The following GAD1 variants were observed in gnomAD, a reference collection of about 807,000 sequenced individuals.
The protein encoded by GAD1 is 67 kDa glutamic acid decarboxylase.
GAD1 carries 35 observed loss-of-function variants against 75.2 expected under a neutral mutation model. The observed-to-expected ratio is 0.47, with a 90% confidence interval of 0.36 to 0.62. GAD1 has a LOEUF of 0.62. Ranked by LOEUF, GAD1 falls within the 20% of genes least tolerant of loss-of-function variation. GAD1 has a pLI of 0.00. For synonymous variants in GAD1, 257 were observed against 271.9 expected (o/e 0.95, Z 0.54); for missense variants, 490 against 758.5 (o/e 0.65, Z 4.16).
chr2:170,829,267 G>C, intron 3 of GAD1: 1 of 602,442 alleles, frequency 1.7e-6, no homozygotes, highest in Non-Finnish European at 2.9e-6. Flanking sequence ...TTGCATGACT[G>C]GGCCTCTGCC....
chr2:170,849,406 C>A, intron 12 of GAD1, 56 bp downstream of exon 12: 1 of 1,510,660 alleles, frequency 6.6e-7, no homozygotes, highest in Non-Finnish European at 9.2e-7. Context: ...ACAGACCATG[C>A]TCTGATGTCA....
chr2:170,848,725 G>A, intron 11 of GAD1: 1 of 518,604 alleles, frequency 1.9e-6, no homozygotes, highest in Non-Finnish European at 3.8e-6. Context: ...CATCTGCCTT[G>A]CTACTGAACT....
chr2:170,817,630 A>G (rs930312621), intron 1 of GAD1: 5 of 152,360 alleles, frequency 3.3e-5, no homozygotes, highest in Non-Finnish European at 7.3e-5. Flanking sequence ...AGAGTCGAGC[A>G]GGGGCGCCGC....
intron 16 of GAD1, among the ~76,000 whole-genome samples, chr2:170,859,296 T>C (rs1702913951): frequency 6.6e-6 from 1 of 152,230 alleles, no homozygotes; most frequent in South Asian, 2.1e-4. Flanking sequence ...TTATATCTTA[T>C]CCAGGGTTCT....
Position 170,818,758 on chromosome 2 carries a change from G to C in GAD1, c.82+85G>C. 7.8e-7 allele frequency: 1 copy of C among 1,284,366 alleles called. No homozygotes were observed. Among genetic ancestry groups the C allele is most frequent in the Non-Finnish European group, 1.1e-6 (1 of 879,778 alleles). The allele number at this position is 1,284,366 out of a possible 1,614,324, so 79.6% of individuals were successfully genotyped here. A position where few individuals can be genotyped will look rare whatever the true frequency, so the allele number is the denominator to read the frequency against. ...GTCGGGAGGCTGAGCTGGCGGAAAG[G>C]GAAGGGGGAGCGCGGAGATAATGGA... On this transcript the variant is annotated intron_variant, in intron 2 of 16. Transcript: ENST00000358196. The surrounding 1 kb of genome is among the most constrained non-coding windows in gnomAD (Gnocchi z 5.9).
intron 10 of GAD1, among the ~76,000 whole-genome samples, chr2:170,846,291 A>G (rs537611229): frequency 1.3e-5 from 2 of 152,222 alleles, no homozygotes; most frequent in African/African-American, 2.4e-5. Context: ...TATTTGTCCT[A>G]TCTTCATTGT....
intron 6 of GAD1, among the ~76,000 whole-genome samples, chr2:170,837,657 T>C (rs984023118): frequency 1.3e-5 from 2 of 152,256 alleles, no homozygotes; most frequent in Admixed American, 1.3e-4. Flanking sequence ...CCAGTATCTA[T>C]ACATCCAGAC....
intron 4 of GAD1, 38 bp from the exon 5 acceptor site, chr2:170,830,912 A>G (rs1196388475): frequency 1.9e-6 from 3 of 1,613,980 alleles, no homozygotes; most frequent in Non-Finnish European, 2.5e-6. Context: ...TCTAGATATG[A>G]GTCAGGTGAA....
intron 14 of GAD1, 50 bp from the exon 15 acceptor site, chr2:170,856,968 C>T: frequency 1.4e-6 from 2 of 1,430,992 alleles, no homozygotes; most frequent in Non-Finnish European, 2.0e-6. Context: ...TTCCCAAATG[C>T]TCATCACAGG....
intron 5 of GAD1, among the ~76,000 whole-genome samples, chr2:170,832,647 C>T (rs1203196111): frequency 6.9e-6 from 1 of 144,868 alleles, no homozygotes; most frequent in East Asian, 2.1e-4. Flanking sequence ...GACACAGGCA[C>T]ACATGCGCGC....
chr2:170,814,553 T>G (rs994326728), upstream of GAD1, among the ~76,000 whole-genome samples: 2 of 152,302 alleles, frequency 1.3e-5, no homozygotes, highest in East Asian at 3.9e-4. Flanking sequence ...GAATGTCCAC[T>G]CCCGGCGTGC....
At position 170,859,977 on chromosome 2, in the gene GAD1, C is replaced by G. The variant is rs1346086950; in HGVS notation, c.*95C>G. The G allele has an allele frequency of 9.2e-7, 1 of 1,089,590 alleles. No homozygotes were observed. The highest frequency in any genetic ancestry group is 2.5e-5 in the East Asian group (1 of 40,120). 67.5% of individuals were successfully genotyped at this position (1,089,590 alleles called of 1,614,324 possible). A position where few individuals can be genotyped will look rare whatever the true frequency, so the allele number is the denominator to read the frequency against. ...TGTTGCTGAAACACACAGGCCATTT[C>G]ATTGAGGGAAAACATAATATCTTGA... On this transcript the variant is annotated 3_prime_UTR_variant, in exon 17 of 17. Transcript: ENST00000358196.
Position 170,853,971 on chromosome 2 carries a change from G to A in GAD1, c.1362G>A (p.Gln454=). Residue 454 remains glutamine (Q), a synonymous_variant, in exon 14 of 17, where the codon CAG becomes CAA. Coordinates refer to ENST00000358196, the MANE Select transcript of GAD1 (RefSeq NM_000817.3). This position sits in a 1 kb window ranked among gnomAD's most constrained non-coding sequence, Gnocchi z 4.1. ...VSYDTGDKAI[Q]CGRHVDIFKF... ...ACGACACCGGGGACAAGGCAATTCA[G>A]TGTGGCCGCCACGTGGATATCTTCA... 1.2e-6 allele frequency: 2 copies of A among 1,614,174 alleles called. No individual in the cohort carries two copies. Among genetic ancestry groups the A allele is most frequent in the Non-Finnish European group, 8.5e-7 (1 of 1,180,042 alleles).
At chr2:170,858,516 C>G (rs1366132212) in intron 15 of GAD1, among the ~76,000 whole-genome samples, 1 of 152,114 alleles carries the variant, frequency 6.6e-6, no homozygotes, top group Non-Finnish European at 1.5e-5. Context: ...AGACGGATAC[C>G]TTTTTTAAAA....
At chr2:170,848,954 G>A (rs959666765) in intron 11 of GAD1, 35 of 427,678 alleles carry the variant, frequency 8.2e-5, no homozygotes, top group Admixed American at 1.6e-4. Context: ...AGAGCCACCC[G>A]GAGGGGGACT....
At chr2:170,850,595 A>G (rs973541747) in intron 12 of GAD1, among the ~76,000 whole-genome samples, 2 of 152,244 alleles carry the variant, frequency 1.3e-5, no homozygotes, top group Admixed American at 1.3e-4. Flanking sequence ...GGCTTCTCCC[A>G]CAGCCAGGAC....
At chr2:170,841,756 A>G (rs575508119) in intron 6 of GAD1, among the ~76,000 whole-genome samples, 16 of 152,278 alleles carry the variant, frequency 1.1e-4, no homozygotes, top group African/African-American at 3.8e-4. Flanking sequence ...ACTAGCTTTC[A>G]GGAGAGAGTG....
At chr2:170,859,599 C>A in intron 16 of GAD1, 110 bp from the exon 17 acceptor site, 1 of 1,096,630 alleles carries the variant, frequency 9.1e-7, no homozygotes. Context: ...TATTTCTTTG[C>A]TTTTATGTCA....
At chr2:170,842,199 C>A (rs1702532465) in intron 6 of GAD1, among the ~76,000 whole-genome samples, 1 of 152,172 alleles carries the variant, frequency 6.6e-6, no homozygotes, top group Non-Finnish European at 1.5e-5. Context: ...GGACCTATGC[C>A]TGATATTCAG....
Sources: allele counts gnomAD v4.1 joint callset (sites outside exome capture counted in the v4.1 genomes callset), GRCh38; gene constraint gnomAD v4.1.1; non-coding constraint Gnocchi (gnomAD v3.1); transcripts MANE v1.5; gene names NCBI Gene and HGNC (gene_info 2026-07-23, HGNC 2026-07-21).